The following PI4KA variants were observed in gnomAD, a reference collection of about 807,000 sequenced individuals.
The protein encoded by PI4KA is PI4-kinase alpha.
Under a neutral mutation model 271.4 loss-of-function variants are expected in PI4KA, and 122 were observed. That is an observed-to-expected ratio of 0.45 (90% CI 0.39 to 0.52). The LOEUF (loss-of-function observed/expected upper bound fraction) is 0.52, where lower values mean the gene tolerates loss of function less well. Ranked by LOEUF, PI4KA falls within the 20% of genes least tolerant of loss-of-function variation. The probability of loss-of-function intolerance (pLI) is 0.00; values close to 1 mark genes in which losing one functional copy is unlikely to be tolerated. For missense variants in PI4KA, 1,969 were observed against 2,769.1 expected, an observed-to-expected ratio of 0.71 and a Z score of 6.48; for synonymous variants, 1,041 against 1,078.8, an observed-to-expected ratio of 0.96 and a Z score of 0.69.
chr22:20,779,708 G>C, intron 19 of PI4KA: 2 of 1,614,200 alleles, frequency 1.2e-6, no homozygotes, highest in Non-Finnish European at 1.7e-6. Flanking sequence ...TCAACGCCAA[G>C]TTCGCTTTCA....
intron 23 of PI4KA, among the ~76,000 whole-genome samples, chr22:20,755,707 C>A (rs948658054): frequency 3.3e-5 from 5 of 151,272 alleles, no homozygotes; most frequent in African/African-American, 1.2e-4. Context: ...GAGGCTGGGG[C>A]ATGAGAATCA....
At position 20,858,741 on chromosome 22, in the gene PI4KA, G is replaced by T; in HGVS notation, c.-16C>A. 2.2e-6 allele frequency: 3 copies of T among 1,373,476 alleles called. No individual in the cohort carries two copies. Among genetic ancestry groups the T allele is most frequent in the Non-Finnish European group, 2.8e-6 (3 of 1,062,456 alleles). The allele number at this position is 1,373,476 out of a possible 1,614,324, so 85.1% of individuals were successfully genotyped here. On this transcript the variant is annotated 5_prime_UTR_variant, in exon 1 of 55. Transcript: ENST00000255882. ...CCGCCGCCATCACCTCACGAGCCGC[G>T]GCGCTGCCCGCCGGCTCCCCGCTCC...
chr22:20,845,632 A>T (rs1311382126), intron 1 of PI4KA, among the ~76,000 whole-genome samples: 1 of 152,230 alleles, frequency 6.6e-6, no homozygotes, highest in African/African-American at 2.4e-5. Context: ...CTGTGACATG[A>T]TACACATGGA....
At chr22:20,793,110 GA>G (rs1934754042) in intron 19 of PI4KA, 82 bp downstream of exon 19, 1 of 862,062 alleles carries the variant, frequency 1.2e-6, no homozygotes. Context: ...CCTTTCTAAG[GA>G]ATTTACTGTG....
At chr22:20,790,180 T>C (rs549770665) in intron 19 of PI4KA, among the ~76,000 whole-genome samples, 1 of 152,136 alleles carries the variant, frequency 6.6e-6, no homozygotes, top group Admixed American at 6.5e-5. Flanking sequence ...CCTCAGAGAT[T>C]GTATGACCCA....
intron 19 of PI4KA, chr22:20,784,134 G>A (rs200755916): frequency 9.9e-6 from 16 of 1,614,184 alleles, no homozygotes; most frequent in Non-Finnish European, 1.4e-5. Context: ...GAATACGTGG[G>A]GGGCATCAGC....
intron 7 of PI4KA, among the ~76,000 whole-genome samples, chr22:20,817,876 G>C (rs1009741350): frequency 1.4e-5 from 2 of 147,850 alleles, no homozygotes; most frequent in East Asian, 2.0e-4. Context: ...TGTAATCCTA[G>C]CACTCTGGAA....
intron 39 of PI4KA, among the ~76,000 whole-genome samples, chr22:20,728,922 A>C (rs1347201865): frequency 6.6e-6 from 1 of 152,110 alleles, no homozygotes; most frequent in Non-Finnish European, 1.5e-5. Flanking sequence ...GCCTCCTCCA[A>C]ATACTCTGCC....
Position 20,714,656 on chromosome 22 carries a change from C to T in PI4KA, c.5362G>A (p.Asp1788Asn), listed in dbSNP as rs769169832. ...SNPEAIVLDIDYKSGTPMQSA... is the reference protein window; with the variant it reads ...SNPEAIVLDINYKSGTPMQSA... ...TGCATCGGGGTCCCAGACTTGTAGTCGATGTCCAGCACAATGGCCTCAGGG... is the reference window on the plus strand; with the variant it reads ...TGCATCGGGGTCCCAGACTTGTAGTTGATGTCCAGCACAATGGCCTCAGGG... The change falls in exon 46 of 55, where the codon GAC (aspartate) becomes AAC (asparagine). Residue 1788 changes from aspartate to asparagine, a missense_variant. By Grantham distance (23) the Asp-to-Asn change is conservative. Transcript: ENST00000255882. The T allele has an allele frequency of 4.3e-6, 7 of 1,613,944 alleles. No homozygotes were observed. The highest frequency in any genetic ancestry group is 1.1e-5 in the South Asian group (1 of 91,068).
At chr22:20,848,503 G>A (rs2147811094) in intron 1 of PI4KA, among the ~76,000 whole-genome samples, 1 of 152,148 alleles carries the variant, frequency 6.6e-6, no homozygotes, top group Middle Eastern at 3.4e-3. Context: ...GCCAACATCA[G>A]GAAAGACATA....
intron 47 of PI4KA, 134 bp downstream of exon 47, chr22:20,714,324 T>C: frequency 6.7e-7 from 1 of 1,493,104 alleles, no homozygotes; most frequent in Non-Finnish European, 8.9e-7. Flanking sequence ...GGGATCTGAC[T>C]GAGTGAGGGC....
intron 19 of PI4KA, among the ~76,000 whole-genome samples, chr22:20,770,592 A>G (rs1228247262): frequency 7.4e-6 from 1 of 135,126 alleles, no homozygotes; most frequent in Admixed American, 7.4e-5. Context: ...ACACACACAC[A>G]CACACACACA....
At chr22:20,775,703 T>C (rs191910806) in intron 19 of PI4KA, among the ~76,000 whole-genome samples, 8 of 152,306 alleles carry the variant, frequency 5.3e-5, no homozygotes, top group Admixed American at 3.3e-4. Flanking sequence ...TTGCTCCAGC[T>C]GGTCTTGAAC....
At chr22:20,727,189 C>T (rs748555585) in intron 41 of PI4KA, 41 bp downstream of exon 41, 5 of 1,577,970 alleles carry the variant, frequency 3.2e-6, no homozygotes, top group Non-Finnish European at 4.3e-6. Context: ...CCCCTCCCAA[C>T]AGTCCTACCA....
intron 25 of PI4KA, among the ~76,000 whole-genome samples, chr22:20,752,123 G>A (rs1930767749): frequency 6.6e-6 from 1 of 152,210 alleles, no homozygotes; most frequent in Non-Finnish European, 1.5e-5. Flanking sequence ...GTATCTACCT[G>A]ACACCCTGGG....
intron 23 of PI4KA, among the ~76,000 whole-genome samples, chr22:20,756,052 A>T (rs534209076): frequency 6.6e-6 from 1 of 152,238 alleles, no homozygotes; most frequent in Non-Finnish European, 1.5e-5. Flanking sequence ...GGCCTTTCAT[A>T]GCTATCTGTT....
At chr22:20,800,050 T>C (rs1179641719) in intron 14 of PI4KA, among the ~76,000 whole-genome samples, 5 of 152,178 alleles carry the variant, frequency 3.3e-5, no homozygotes, top group African/African-American at 1.2e-4. Flanking sequence ...CCTTGTACTG[T>C]TTCTTAAGGT....
At chr22:20,761,471 A>T in intron 22 of PI4KA, 85 bp from the exon 23 acceptor site, 1 of 819,668 alleles carries the variant, frequency 1.2e-6, no homozygotes. Context: ...AGTGGTAAGG[A>T]TGTGAAGAAC....
intron 36 of PI4KA, among the ~76,000 whole-genome samples, chr22:20,730,633 C>G (rs557191930): frequency 6.7e-6 from 1 of 149,274 alleles, no homozygotes; most frequent in Non-Finnish European, 1.5e-5. Context: ...TGCAATGGCG[C>G]GATCTCAGCT....
Sources: allele counts gnomAD v4.1 joint callset (sites outside exome capture counted in the v4.1 genomes callset), GRCh38; gene constraint gnomAD v4.1.1; transcripts MANE v1.5; gene names NCBI Gene and HGNC (gene_info 2026-07-23, HGNC 2026-07-21).